Variants in DMD observed in about 807,000 individuals in gnomAD.
The protein encoded by DMD is dystrophin.
A neutral mutation model predicts 330.1 loss-of-function variants in DMD; 63 were observed. The ratio of observed to expected loss-of-function variants is 0.19; its 90% confidence interval spans 0.16 to 0.24. DMD has a LOEUF of 0.24. DMD is among the 10% of genes least tolerant of loss of function. The pLI, the probability that DMD is intolerant of heterozygous loss-of-function variation, is 1.00. For missense variants in DMD, 3,344 were observed against 2,684.1 expected (o/e 1.25, Z -5.43); for synonymous variants, 1,223 against 959.8 (o/e 1.27, Z -5.07).
intron 41 of DMD, among the ~76,000 whole-genome samples, chrX:32,324,935 T>C (rs2061218613): frequency 9.0e-6 from 1 of 111,303 alleles, no homozygotes; most frequent in African/African-American, 3.3e-5. Context: ...AATCAAAATA[T>C]AATAATCCAG....
At chrX:32,481,296 G>C (rs2041869961) in intron 21 of DMD, among the ~76,000 whole-genome samples, 1 of 111,507 alleles carries the variant, frequency 9.0e-6, no homozygotes, top group Non-Finnish European at 1.9e-5. Context: ...CACAACTGTA[G>C]TTTAAGGTTC....
At chrX:33,017,506 T>C (rs1401208978) in intron 2 of DMD, among the ~76,000 whole-genome samples, 1 of 111,124 alleles carries the variant, frequency 9.0e-6, no homozygotes, top group Admixed American at 9.7e-5. Flanking sequence ...TTCATTCTCT[T>C]TTTTCTCTTT....
intron 55 of DMD, among the ~76,000 whole-genome samples, chrX:31,604,572 G>A: frequency 8.9e-6 from 1 of 112,054 alleles, no homozygotes; most frequent in Non-Finnish European, 1.9e-5. Flanking sequence ...ACAGTCTTAT[G>A]ACCAGCCTGT....
intron 17 of DMD, among the ~76,000 whole-genome samples, chrX:32,544,319 G>A (rs184845043): frequency 8.9e-6 from 1 of 111,856 alleles, no homozygotes; most frequent in East Asian, 2.8e-4. Context: ...ATTTTTAGAT[G>A]TGTGTTCTTT....
chrX:32,064,284 A>C (rs1399060319), intron 44 of DMD, among the ~76,000 whole-genome samples: 1 of 110,978 alleles, frequency 9.0e-6, no homozygotes, highest in South Asian at 3.8e-4. Context: ...TTAAAAAGAC[A>C]ATTTCTATGT....
chrX:31,505,210 C>T (rs760652920), intron 56 of DMD, among the ~76,000 whole-genome samples: 2 of 111,504 alleles, frequency 1.8e-5, no homozygotes, highest in Non-Finnish European at 3.8e-5. Context: ...AAGTGGCCTA[C>T]GTCATCACAC....
chrX:32,843,919 A>C (rs1483400325), intron 4 of DMD, among the ~76,000 whole-genome samples: 1 of 112,062 alleles, frequency 8.9e-6, no homozygotes, highest in Non-Finnish European at 1.9e-5. Flanking sequence ...GTTAAATCTA[A>C]ACCAAAAAAA....
At chrX:33,036,809 G>GTGTA (rs1476787818) in intron 1 of DMD, among the ~76,000 whole-genome samples, 3 of 105,839 alleles carry the variant, frequency 2.8e-5, no homozygotes, top group African/African-American at 6.8e-5. Flanking sequence ...GCATGTGTGT[G>GTGTA]TATATATATA....
intron 46 of DMD, among the ~76,000 whole-genome samples, chrX:31,930,122 C>A (rs1352853226): frequency 1.8e-5 from 2 of 111,072 alleles, no homozygotes; most frequent in Non-Finnish European, 3.8e-5. Context: ...CATACCGTAG[C>A]TTGCTGCTGA....
chrX:31,510,227 C>T (rs897183695), intron 55 of DMD, among the ~76,000 whole-genome samples: 1 of 111,610 alleles, frequency 9.0e-6, no homozygotes, highest in Non-Finnish European at 1.9e-5. Flanking sequence ...GTTTAACTGA[C>T]TTGCCTAAAA....
At position 31,121,458 on chromosome X, in the gene DMD, G is replaced by GTTTGT. The variant is rs1307665984; in HGVS notation, c.*456_*460dup. On this transcript the variant is annotated 3_prime_UTR_variant, in exon 79 of 79. Transcript: ENST00000357033. ...TGTGTGTGTATGTGTGTGTGTGTGT[G>GTTTGT]TTTGTTTTGTTTTTAGGGGTTTTTA... 1.1e-4 allele frequency: 18 copies of GTTTGT among 163,372 alleles called. No homozygotes were observed. Among genetic ancestry groups the GTTTGT allele is most frequent in the Admixed American group, 2.3e-4 (3 of 13,001 alleles). The allele number at this position is 163,372 out of a possible 1,213,427, so 13.5% of individuals were successfully genotyped here. A position where few individuals can be genotyped will look rare whatever the true frequency, so the allele number is the denominator to read the frequency against.
chrX:32,494,728 G>T (rs1179087060), intron 19 of DMD, among the ~76,000 whole-genome samples: 1 of 111,636 alleles, frequency 9.0e-6, no homozygotes, highest in Non-Finnish European at 1.9e-5. Flanking sequence ...GTGAAAATTA[G>T]GGGGAGAGGA....
intron 47 of DMD, among the ~76,000 whole-genome samples, chrX:31,889,693 G>C (rs2094213508): frequency 1.0e-5 from 1 of 96,523 alleles, no homozygotes; most frequent in Non-Finnish European, 2.0e-5. Context: ...GCACACCACA[G>C]AATGTGTTGT....
At chrX:31,266,159 CAAAAAAA>C (rs1174153877) in intron 62 of DMD, among the ~76,000 whole-genome samples, 3 of 13,334 alleles carry the variant, frequency 2.2e-4, no homozygotes, top group Non-Finnish European at 3.6e-4. Context: ...TCCCGAAGGG[CAAAAAAA>C]AAAAAAAAAA....
rs1188364857 is a variant in DMD at position 32,158,384 on chromosome X, A to C, written c.6438+58532T>G. ...CCCATCTCAAAAACAAATAAAGAAAAATGCATCGAAAGTAAAGAAAAAAGA... is the reference window on the plus strand; with the variant it reads ...CCCATCTCAAAAACAAATAAAGAAACATGCATCGAAAGTAAAGAAAAAAGA... On this transcript the variant is annotated intron_variant, in intron 44 of 78. Transcript: ENST00000357033. Among the ~76,000 whole-genome samples the C allele has an allele frequency of 6.3e-5, 7 of 110,819 alleles. No homozygotes were observed. In the East Asian group the frequency reaches 1.7e-3, roughly 27 times the overall value.
intron 61 of DMD, among the ~76,000 whole-genome samples, chrX:31,341,300 G>A (rs866450438): frequency 5.4e-5 from 6 of 111,909 alleles, no homozygotes; most frequent in Admixed American, 1.9e-4. Context: ...CCCATTGGTC[G>A]TATGGTGCAT....
intron 43 of DMD, among the ~76,000 whole-genome samples, chrX:32,229,869 T>C (rs1297594802): frequency 9.4e-6 from 1 of 106,320 alleles, no homozygotes; most frequent in African/African-American, 3.4e-5. Context: ...ACATAAGATT[T>C]CTTAGGAAAT....
At chrX:31,371,864 T>G (rs1253331020) in intron 60 of DMD, among the ~76,000 whole-genome samples, 7 of 112,472 alleles carry the variant, frequency 6.2e-5, no homozygotes, top group Non-Finnish European at 1.1e-4. Flanking sequence ...GTACTGAAGT[T>G]GGACTGCCTG....
chrX:32,668,654 A>T (rs5972644), intron 9 of DMD, among the ~76,000 whole-genome samples: 6 of 110,767 alleles, frequency 5.4e-5, no homozygotes, highest in Non-Finnish European at 1.1e-4. Context: ...TTATTTTATC[A>T]TGTTTTATAA....
Sources: allele counts gnomAD v4.1 joint callset (sites outside exome capture counted in the v4.1 genomes callset), GRCh38; gene constraint gnomAD v4.1.1; transcripts MANE v1.5; gene names NCBI Gene and HGNC (gene_info 2026-07-23, HGNC 2026-07-21).